FUT8: variants seen among roughly 807,000 people sequenced by gnomAD.
The protein encoded by FUT8 is alpha-(1,6)-fucosyltransferase.
In FUT8, 29 loss-of-function variants were observed where a neutral mutation model predicts 71.3. The ratio of observed to expected loss-of-function variants is 0.41; its 90% confidence interval spans 0.30 to 0.55. FUT8 has a LOEUF of 0.55. FUT8 is among the 20% of genes least tolerant of loss of function. The pLI, the probability that FUT8 is intolerant of heterozygous loss-of-function variation, is 0.34. For missense variants in FUT8, 544 were observed against 702.1 expected (o/e 0.77, Z 2.55); for synonymous variants, 254 against 239.3 (o/e 1.06, Z -0.57).
chr14:65,535,687 G>GT (rs1309276040), intron 2 of FUT8, among the ~76,000 whole-genome samples: 2 of 152,142 alleles, frequency 1.3e-5, no homozygotes, highest in Non-Finnish European at 1.5e-5. Flanking sequence ...GCTGAGAATT[G>GT]TTTTTTGTCT....
chr14:65,459,900 A>C (rs1440181736), intron 2 of FUT8, among the ~76,000 whole-genome samples: 1 of 152,234 alleles, frequency 6.6e-6, no homozygotes, highest in Admixed American at 6.5e-5. Context: ...TAAAAATAAA[A>C]ACTTGCTTGA....
chr14:65,586,549 A>T (rs543625907), intron 3 of FUT8, among the ~76,000 whole-genome samples: 2 of 152,342 alleles, frequency 1.3e-5, no homozygotes, highest in South Asian at 4.1e-4. Context: ...AATGTATTTG[A>T]TATAAAGTTT....
At chr14:65,502,376 C>G (rs957901566) in intron 2 of FUT8, among the ~76,000 whole-genome samples, 10 of 151,952 alleles carry the variant, frequency 6.6e-5, no homozygotes. Context: ...AGGCACCCAC[C>G]ACCATGCCTG....
At chr14:65,554,967 G>A (rs188743395) in intron 2 of FUT8, among the ~76,000 whole-genome samples, 2 of 152,032 alleles carry the variant, frequency 1.3e-5, no homozygotes, top group Non-Finnish European at 2.9e-5. Flanking sequence ...TCCTTTTGTA[G>A]CTTGTTTTTA....
At chr14:65,410,444 A>G (rs2065110304), upstream of FUT8, 1 of 152,266 alleles carries the variant, frequency 6.6e-6, no homozygotes, top group South Asian at 2.1e-4. Flanking sequence ...TCAACAAAGC[A>G]GACTTCAAAA....
Position 65,660,585 on chromosome 14 carries a change from G to C in FUT8, c.598-8658G>C, listed in dbSNP as rs1891910312. 6.6e-6 allele frequency among the ~76,000 whole-genome samples: 1 copy of C among 152,074 alleles called. No homozygotes were observed. The highest frequency in any genetic ancestry group is 2.1e-4 in the South Asian group (1 of 4,812). On this transcript the variant is annotated intron_variant, in intron 6 of 10. Coordinates refer to ENST00000673929, the MANE Select transcript of FUT8 (RefSeq NM_001371533.1). The surrounding 1 kb of genome is among the most constrained non-coding windows in gnomAD (Gnocchi z 4.1). ...GGGAAATTGATTTCCTGAAGCACTT[G>C]GTAAACTACTTGGGCCTGAGCTATT...
intron 3 of FUT8, among the ~76,000 whole-genome samples, chr14:65,580,376 A>C (rs1322058411): frequency 6.6e-6 from 1 of 151,636 alleles, no homozygotes; most frequent in African/African-American, 2.4e-5. Context: ...TTGTGGGCCT[A>C]CTGTTATATA....
chr14:65,618,151 G>A (rs548733937), intron 5 of FUT8, among the ~76,000 whole-genome samples: 30 of 149,738 alleles, frequency 2.0e-4, no homozygotes, highest in South Asian at 2.1e-4. Context: ...ATCCTCCCTC[G>A]TCAGCCTCCT....
intron 6 of FUT8, among the ~76,000 whole-genome samples, chr14:65,668,828 ATC>A (rs1892339060): frequency 1.3e-5 from 2 of 152,320 alleles, no homozygotes; most frequent in Admixed American, 1.3e-4. Context: ...GCACATATAT[ATC>A]ATGGAATAGT....
At chr14:65,523,694 T>G (rs986672899) in intron 2 of FUT8, among the ~76,000 whole-genome samples, 11 of 152,360 alleles carry the variant, frequency 7.2e-5, no homozygotes, top group African/African-American at 2.6e-4. Flanking sequence ...TTCTGGAGTT[T>G]TTATGGTTTT....
intron 7 of FUT8, among the ~76,000 whole-genome samples, chr14:65,709,899 A>G (rs1229255697): frequency 1.3e-5 from 2 of 152,206 alleles, no homozygotes; most frequent in Non-Finnish European, 2.9e-5. Flanking sequence ...ACAGGATGGC[A>G]ACTGTGAGAA....
the FUT8 span, among the ~76,000 whole-genome samples, chr14:65,382,063 C>T: frequency 1.3e-5 from 2 of 152,360 alleles, no homozygotes; most frequent in African/African-American, 4.8e-5. Context: ...GAGGCTTCTT[C>T]CCATTCTTCT....
chr14:65,526,236 C>T (rs572965422), intron 2 of FUT8, among the ~76,000 whole-genome samples: 12 of 152,144 alleles, frequency 7.9e-5, no homozygotes, highest in Admixed American at 7.9e-4. Context: ...CTTTATGAAT[C>T]TGGGTGCTCC....
chr14:65,360,288 T>C, the FUT8 span, among the ~76,000 whole-genome samples: 1 of 152,378 alleles, frequency 6.6e-6, no homozygotes, highest in African/African-American at 2.4e-5. Context: ...TAGCTGGGTT[T>C]ACAGCCATCT....
intron 6 of FUT8, among the ~76,000 whole-genome samples, chr14:65,641,742 G>A (rs1257407160): frequency 7.9e-6 from 1 of 126,032 alleles, no homozygotes; most frequent in Non-Finnish European, 1.7e-5. Flanking sequence ...GTTTTTTTTT[G>A]TGTGTATGTG....
At chr14:65,482,099 T>C (rs1195590682) in intron 2 of FUT8, among the ~76,000 whole-genome samples, 1 of 152,188 alleles carries the variant, frequency 6.6e-6, no homozygotes, top group Non-Finnish European at 1.5e-5. Flanking sequence ...AGTTCTCTCC[T>C]GGAAGTTTTA....
At chr14:65,646,213 C>T (rs1209811812) in intron 6 of FUT8, 1 of 152,188 alleles carries the variant, frequency 6.6e-6, no homozygotes, top group Non-Finnish European at 1.5e-5. Context: ...TAAGGAAGCT[C>T]TTCCCATTGA....
chr14:65,537,278 AC>A (rs1050860772), intron 2 of FUT8, among the ~76,000 whole-genome samples: 1 of 150,982 alleles, frequency 6.6e-6, no homozygotes, highest in African/African-American at 2.4e-5. Context: ...CCAGTTAAGA[AC>A]CCTTGCTGGA....
chr14:65,657,711 G>T (rs529172938), intron 6 of FUT8, among the ~76,000 whole-genome samples: 1 of 152,072 alleles, frequency 6.6e-6, no homozygotes, highest in Non-Finnish European at 1.5e-5. Flanking sequence ...AGGGGACGTG[G>T]TTAATGGGTA....
Sources: gnomAD v4.1 joint callset for allele counts (sites outside exome capture counted in the v4.1 genomes callset) on GRCh38, gnomAD v4.1.1 for gene constraint, Gnocchi (gnomAD v3.1) non-coding constraint, MANE v1.5 for transcripts, NCBI Gene and HGNC (gene_info 2026-07-23, HGNC 2026-07-21) for gene names.